Variants in FLT3 observed in about 807,000 individuals in gnomAD.
FLT3 encodes receptor-type tyrosine-protein kinase FLT3.
In FLT3, 46 loss-of-function variants were observed where a neutral mutation model predicts 126.6. The ratio of observed to expected loss-of-function variants is 0.36; its 90% confidence interval spans 0.29 to 0.46. FLT3 has a LOEUF of 0.46. Among genes scored for constraint, FLT3 ranks in the 20% least tolerant of loss-of-function variants. The pLI, the probability that FLT3 is intolerant of heterozygous loss-of-function variation, is 1.00. For synonymous variants in FLT3, 404 were observed against 434.4 expected, an observed-to-expected ratio of 0.93 and a Z score of 0.87; for missense variants, 1,069 against 1,190.3, an observed-to-expected ratio of 0.90 and a Z score of 1.50.
chr13:28,070,635 T>C, intron 1 of FLT3, 23 bp from the exon 2 acceptor site: 6 of 1,562,934 alleles, frequency 3.8e-6, no homozygotes, highest in Non-Finnish European at 5.3e-6. Context: ...ATAAAAATGA[T>C]AATGTTGATA....
intron 20 of FLT3, among the ~76,000 whole-genome samples, chr13:28,018,263 G>A (rs1024540852): frequency 2.6e-5 from 4 of 152,164 alleles, no homozygotes; most frequent in African/African-American, 9.7e-5. Flanking sequence ...CAGATGTGAT[G>A]CTATTTTGCT....
chr13:28,058,928 G>A (rs1876287033), intron 3 of FLT3, among the ~76,000 whole-genome samples: 1 of 152,162 alleles, frequency 6.6e-6, no homozygotes, highest in Non-Finnish European at 1.5e-5. Flanking sequence ...GATCACTTGA[G>A]GCCATGAGTT....
rs1472287571 is a variant in FLT3 at position 28,100,476 on chromosome 13, G to A, written c.35C>T (p.Pro12Leu). The change falls in exon 1 of 24, where the codon CCG (proline) becomes CTG (leucine). Residue 12 changes from proline (P) to leucine (L), a missense_variant. Transcript: ENST00000241453. This position sits in a 1 kb window ranked among gnomAD's most constrained non-coding sequence, Gnocchi z 4.8. ...PALARDGGQL[P>L]LLVVFSAMIF... is the part of the protein sequence containing the mutation. ...AGCGAGCGGGGCCTTACCGAGCAGC[G>A]GCAGCTGGCCGCCGTCGCGCGCCAA... The A allele has an allele frequency of 9.0e-6, 11 of 1,217,772 alleles. No homozygotes were observed. The highest frequency in any genetic ancestry group is 1.1e-5 in the Non-Finnish European group (11 of 979,098). The allele number at this position is 1,217,772 out of a possible 1,614,324, so 75.4% of individuals were successfully genotyped here. A position where few individuals can be genotyped will look rare whatever the true frequency, so the allele number is the denominator to read the frequency against.
intron 1 of FLT3, among the ~76,000 whole-genome samples, chr13:28,092,725 C>G (rs953434956): frequency 6.6e-6 from 1 of 151,802 alleles, no homozygotes; most frequent in African/African-American, 2.4e-5. Context: ...CAAATCAGAG[C>G]ATGTCACACC....
chr13:28,090,926 T>C (rs573519106), intron 1 of FLT3, among the ~76,000 whole-genome samples: 1 of 152,220 alleles, frequency 6.6e-6, no homozygotes, highest in Admixed American at 6.5e-5. Flanking sequence ...AACTTTGGAA[T>C]TGAAAAAGAG....
At chr13:28,051,969 G>A (rs1875529010) in intron 5 of FLT3, among the ~76,000 whole-genome samples, 1 of 151,918 alleles carries the variant, frequency 6.6e-6, no homozygotes. Context: ...GTAGCATGAT[G>A]CCCAGGAAGG....
chr13:28,045,702 A>G (rs1434031979), intron 9 of FLT3, among the ~76,000 whole-genome samples: 2 of 152,156 alleles, frequency 1.3e-5, no homozygotes, highest in Admixed American at 6.6e-5. Flanking sequence ...TCTATTAAAA[A>G]TACAAAAAAT....
Position 28,048,226 on chromosome 13 carries a change from A to G in FLT3, c.1205+49T>C, listed in dbSNP as rs1875079996. 4.1e-6 allele frequency: 6 copies of G among 1,473,026 alleles called. No homozygotes were observed. The East Asian group carries it at 1.1e-4, about 28-fold the overall frequency. The allele number at this position is 1,473,026 out of a possible 1,614,324, so 91.2% of individuals were successfully genotyped here. On this transcript the variant is annotated intron_variant, in intron 9 of 23. Transcript: ENST00000241453. ...ACTGTCCTTCTCAAGGGCGACAAGC[A>G]AGGAGAATTATGCTAAAAATGGTAT...
rs1876615644 is a variant in FLT3 at position 28,062,036 on chromosome 13, A to G, written c.199T>C (p.Leu67=). The G allele has an allele frequency of 2.5e-6, 4 of 1,612,556 alleles. No homozygotes were observed. ...ACTGTCCCTGAGCTCTGGGGTCTCAACGCACACCCGAGGTCTTCCGGGGAT... is the reference window on the plus strand; with the variant it reads ...ACTGTCCCTGAGCTCTGGGGTCTCAGCGCACACCCGAGGTCTTCCGGGGAT... ...SESPEDLGCA[L]RPQSSGTVYE... is the part of the protein sequence containing the mutation. Residue 67 remains leucine (L), a synonymous_variant, in exon 3 of 24, where the codon TTG becomes CTG. Coordinates refer to ENST00000241453, the MANE Select transcript of FLT3 (RefSeq NM_004119.3).
intron 1 of FLT3, among the ~76,000 whole-genome samples, chr13:28,081,097 T>C (rs9507996): frequency 0.16 from 24,336 of 152,164 alleles, 2,134 homozygotes; most frequent in Middle Eastern, 0.26. Context: ...TAGAGTTGTT[T>C]TGGATATTCT....
chr13:28,047,460 A>AGGTAGGGTG (rs1195983127), intron 9 of FLT3, among the ~76,000 whole-genome samples: 3 of 152,226 alleles, frequency 2.0e-5, no homozygotes, highest in African/African-American at 7.2e-5. Context: ...CTGTAATCCC[A>AGGTAGGGTG]GCACTTTGGG....
At chr13:28,037,452 T>C (rs999104382) in intron 9 of FLT3, among the ~76,000 whole-genome samples, 164 bp from the exon 10 acceptor site, 10 of 152,184 alleles carry the variant, frequency 6.6e-5, no homozygotes, top group African/African-American at 2.2e-4. Context: ...ACTCAAAGTG[T>C]GGTCCACAGA....
chr13:28,034,127 C>T lies in FLT3; in HGVS notation c.1792G>A (p.Glu598Lys), dbSNP rs1312380044. ...EYFYVDFREY[E>K]YDLKWEFPRE... ...GGAAACTCCCATTTGAGATCATATT[C>T]ATATTCTCTGAAATCAACGTAGAAG... The change falls in exon 14 of 24, where the codon GAA becomes AAA. Residue 598 changes from glutamate to lysine, a missense_variant. Physicochemically the swap from Glu to Lys is moderately conservative, Grantham distance 56 (BLOSUM62 1). Coordinates refer to ENST00000241453, the MANE Select transcript of FLT3 (RefSeq NM_004119.3). 1.2e-6 allele frequency: 2 copies of T among 1,613,918 alleles called. No individual in the cohort carries two copies. The highest frequency in any genetic ancestry group is 1.7e-6 in the Non-Finnish European group (2 of 1,179,812).
intron 1 of FLT3, among the ~76,000 whole-genome samples, chr13:28,086,638 G>A (rs934005126): frequency 2.0e-5 from 3 of 151,070 alleles, no homozygotes; most frequent in Admixed American, 1.3e-4. Context: ...GTGTGTGTGT[G>A]TGTGTGTGTG....
At chr13:28,095,818 C>A (rs1389138613) in intron 1 of FLT3, among the ~76,000 whole-genome samples, 1 of 152,046 alleles carries the variant, frequency 6.6e-6, no homozygotes, top group African/African-American at 2.4e-5. Flanking sequence ...GAGAGGAACA[C>A]AAAGAACCGT....
At chr13:28,029,918 G>C (rs1038000184) in intron 15 of FLT3, among the ~76,000 whole-genome samples, 2 of 152,190 alleles carry the variant, frequency 1.3e-5, no homozygotes, top group African/African-American at 4.8e-5. Flanking sequence ...TGGAATCCAA[G>C]GGCTCCCGTC....
chr13:28,086,693 C>A (rs1878700109), intron 1 of FLT3, among the ~76,000 whole-genome samples: 2 of 151,488 alleles, frequency 1.3e-5, no homozygotes, highest in Non-Finnish European at 2.9e-5. Context: ...GTCACTCACA[C>A]TGGAGTGCAG....
chr13:28,098,693 C>T (rs1414971695), intron 1 of FLT3, among the ~76,000 whole-genome samples: 1 of 151,636 alleles, frequency 6.6e-6, no homozygotes, highest in Non-Finnish European at 1.5e-5. Flanking sequence ...CATAATTACA[C>T]AAAATTGGAA....
chr13:28,099,136 A>G (rs890106603), intron 1 of FLT3, among the ~76,000 whole-genome samples: 1 of 152,210 alleles, frequency 6.6e-6, no homozygotes, highest in Non-Finnish European at 1.5e-5. Flanking sequence ...AAATTTCTGA[A>G]TTCTTTCCTA....
Sources: gnomAD v4.1 joint callset for allele counts (sites outside exome capture counted in the v4.1 genomes callset) on GRCh38, gnomAD v4.1.1 for gene constraint, Gnocchi (gnomAD v3.1) non-coding constraint, MANE v1.5 for transcripts, NCBI Gene and HGNC (gene_info 2026-07-23, HGNC 2026-07-21) for gene names.